Variants in HAVCR2 observed in about 807,000 individuals in gnomAD.
The protein encoded by HAVCR2 is hepatitis A virus cellular receptor 2.
A neutral mutation model predicts 24.7 loss-of-function variants in HAVCR2; 13 were observed. That is an observed-to-expected ratio of 0.53 (90% CI 0.34 to 0.84). The LOEUF (loss-of-function observed/expected upper bound fraction) is 0.84, where lower values mean the gene tolerates loss of function less well. Ranked by LOEUF, HAVCR2 falls within the 40% of genes least tolerant of loss-of-function variation. The probability of loss-of-function intolerance (pLI) is 0.01; values close to 1 mark genes in which losing one functional copy is unlikely to be tolerated. For synonymous variants in HAVCR2, 154 were observed against 143.4 expected, an observed-to-expected ratio of 1.07 and a Z score of -0.53; for missense variants, 343 against 371.2, an observed-to-expected ratio of 0.92 and a Z score of 0.62.
rs374084597 is a variant in HAVCR2 at position 157,109,011 on chromosome 5, C to T, written c.-28G>A. On this transcript the variant is annotated 5_prime_UTR_variant, in exon 1 of 7. Coordinates refer to ENST00000307851, the MANE Select transcript of HAVCR2 (RefSeq NM_032782.5). Reference sequence around the variant, plus strand: ...AGCTTGCAGAAGAAAAGTCAGAGGACACCTCTGTTAGGCACAGTTTTAACT... The same window carrying T: ...AGCTTGCAGAAGAAAAGTCAGAGGATACCTCTGTTAGGCACAGTTTTAACT... 8 of 1,607,234 alleles carry T rather than the reference C, an allele frequency of 5.0e-6. No homozygotes were observed. In the African/African-American group the frequency reaches 6.7e-5, roughly 13 times the overall value.
chr5:157,096,953 CACACACACACAT>C (rs1404250981), intron 4 of HAVCR2, among the ~76,000 whole-genome samples: 1 of 149,646 alleles, frequency 6.7e-6, no homozygotes, highest in African/African-American at 2.5e-5. Flanking sequence ...CACACACACA[CACACACACACAT>C]ATAATTATAA....
At chr5:157,100,795 T>A (rs28651848) in intron 3 of HAVCR2, among the ~76,000 whole-genome samples, 2 of 151,730 alleles carry the variant, frequency 1.3e-5, no homozygotes, top group South Asian at 2.1e-4. Flanking sequence ...CAGAAAAAAA[T>A]TTAAAATATA....
chr5:157,098,851 T>G lies in HAVCR2; in HGVS notation c.522+7A>C. On this transcript the variant is annotated splice_region_variant and intron_variant, in intron 4 of 6. Transcript: ENST00000307851. ...GTACAACATAGCTCACAAAAAAAGT[T>G]ACTTACTGTTAGATTTATATCAGGG... The G allele has an allele frequency of 6.2e-7, 1 of 1,612,334 alleles. No homozygotes were observed. Among genetic ancestry groups the G allele is most frequent in the Non-Finnish European group, 8.5e-7 (1 of 1,178,814 alleles).
At chr5:157,108,576 A>G (rs1318113829) in intron 1 of HAVCR2, among the ~76,000 whole-genome samples, 1 of 152,202 alleles carries the variant, frequency 6.6e-6, no homozygotes, top group Non-Finnish European at 1.5e-5. Flanking sequence ...ACTCTTTACC[A>G]TTCCCTGGTT....
intron 5 of HAVCR2, among the ~76,000 whole-genome samples, chr5:157,090,122 CTTTTT>C (rs869177923): frequency 0.084 from 5,483 of 65,496 alleles, 111 homozygotes; most frequent in Admixed American, 0.21. Flanking sequence ...CTTTTCTTTT[CTTTTT>C]TTTTTTTTTT....
chr5:157,096,927 AAC>A (rs34799337), intron 4 of HAVCR2, among the ~76,000 whole-genome samples: 61,786 of 142,640 alleles, frequency 0.43, 13,097 homozygotes, highest in East Asian at 0.57. Context: ...ATTTATACAA[AAC>A]ACACACACAC....
rs1276540586 is a variant in HAVCR2, at chr5:157,086,541, A to C, written c.*561T>G. The C allele has an allele frequency of 6.5e-6, 1 of 152,780 alleles. No individual in the cohort carries two copies. Among genetic ancestry groups the C allele is most frequent in the Non-Finnish European group, 1.5e-5 (1 of 68,558 alleles). 9.5% of individuals were successfully genotyped at this position (152,780 alleles called of 1,614,324 possible). ...TGCATGCCTGTAATCCCAGCCACTC[A>C]GGAGGCTGAGGCAGGAGAATCGCTT... is the stretch of plus-strand genomic sequence containing the variant. On this transcript the variant is annotated 3_prime_UTR_variant, in exon 7 of 7. Transcript: ENST00000307851.
At chr5:157,090,678 CA>C (rs1406559118) in intron 5 of HAVCR2, among the ~76,000 whole-genome samples, 7 of 152,076 alleles carry the variant, frequency 4.6e-5, no homozygotes. Context: ...CCATTGTGCT[CA>C]GACATTGATT....
chr5:157,094,626 A>AC (rs1430275094), intron 5 of HAVCR2, among the ~76,000 whole-genome samples: 1 of 131,198 alleles, frequency 7.6e-6, no homozygotes, highest in Non-Finnish European at 1.6e-5. Context: ...CAAATGATCC[A>AC]CCCCCCTCAG....
At chr5:157,103,983 G>A (rs770499631) in intron 3 of HAVCR2, among the ~76,000 whole-genome samples, 5 of 152,108 alleles carry the variant, frequency 3.3e-5, no homozygotes, top group Non-Finnish European at 7.3e-5. Context: ...CCCATAAGGT[G>A]TGATTTATGA....
chr5:157,098,829 C>A (rs769100513), intron 4 of HAVCR2, 29 bp downstream of exon 4: 1 of 1,603,304 alleles, frequency 6.2e-7, no homozygotes, highest in Non-Finnish European at 8.5e-7. Context: ...AAGTTGAGTA[C>A]AACATAGCTC....
Position 157,092,878 on chromosome 5 carries a change from CAAAAAAAAAAAAAAAAAAAAAA to C in HAVCR2, c.676+2406_676+2427del, listed in dbSNP as rs556443053. Among the ~76,000 whole-genome samples, 60 of 44,040 alleles carry C rather than the reference CAAAAAAAAAAAAAAAAAAAAAA, an allele frequency of 1.4e-3. 1 individual carries two copies. Among genetic ancestry groups the C allele is most frequent in the Admixed American group, 5.3e-3 (23 of 4,370 alleles). 28.9% of individuals were successfully genotyped at this position (44,040 alleles called of 152,430 possible). ...CAACATGGCAAAACCCTGTCTCTACCAAAAAAAAAAAAAAAAAAAAAAAAAAAAAAAAAAAAAAAACTAGCCA... is the reference window on the plus strand; with the variant it reads ...CAACATGGCAAAACCCTGTCTCTACCAAAAAAAAAAAAAAAAAACTAGCCA... On this transcript the variant is annotated intron_variant, in intron 5 of 6. Coordinates refer to ENST00000307851, the MANE Select transcript of HAVCR2 (RefSeq NM_032782.5).
chr5:157,089,092 G>C (rs1278765997), intron 5 of HAVCR2, 115 bp from the exon 6 acceptor site: 1 of 837,488 alleles, frequency 1.2e-6, no homozygotes, highest in Non-Finnish European at 1.9e-6. Context: ...TCTCATCTCA[G>C]ATTGAGTTAA....
At chr5:157,096,927 AACACACACACACAC>A (rs34799337) in intron 4 of HAVCR2, among the ~76,000 whole-genome samples, 17 of 142,956 alleles carry the variant, frequency 1.2e-4, no homozygotes, top group East Asian at 2.1e-4. Flanking sequence ...ATTTATACAA[AACACACACACACAC>A]ACACACACAC....
intron 5 of HAVCR2, 34 bp downstream of exon 5, chr5:157,095,272 G>C: frequency 6.2e-7 from 1 of 1,606,606 alleles, no homozygotes; most frequent in Non-Finnish European, 8.5e-7. Flanking sequence ...TGAAGAATTT[G>C]TTATCAGAGG....
chr5:157,105,895 A>G (rs898078697), intron 2 of HAVCR2, among the ~76,000 whole-genome samples: 2 of 151,832 alleles, frequency 1.3e-5, no homozygotes, highest in African/African-American at 4.9e-5. Flanking sequence ...TTTTTAAGAG[A>G]TAGGGGTAGC....
At position 157,097,122 on chromosome 5, in the gene HAVCR2, G is replaced by C. The variant is rs559172035; in HGVS notation, c.523-1663C>G. ...CATTAAGCATTGTGGGCACATACAG[G>C]TCCTTAAAAAGCACTGTTTGATTGC... On this transcript the variant is annotated intron_variant, in intron 4 of 6. Coordinates refer to ENST00000307851, the MANE Select transcript of HAVCR2 (RefSeq NM_032782.5). Among the ~76,000 whole-genome samples the C allele has an allele frequency of 1.2e-4, 18 of 152,110 alleles. No homozygotes were observed. The South Asian group carries it at 3.1e-3, about 26-fold the overall frequency.
In HAVCR2 at chr5:157,087,068, C is replaced by CCAAGCTCATAGTTTCTGA; in HGVS notation, c.*33_*34insTCAGAAACTATGAGCTTG. 1 of 1,602,368 alleles carries CCAAGCTCATAGTTTCTGA rather than the reference C, an allele frequency of 6.2e-7. No homozygotes were observed. The highest frequency in any genetic ancestry group is 8.5e-7 in the Non-Finnish European group (1 of 1,173,640). On this transcript the variant is annotated 3_prime_UTR_variant, in exon 7 of 7. Transcript: ENST00000307851. ...CACAGCTCATAGTTTCTGAAAAAGA[C>CCAAGCTCATAGTTTCTGA]AAAACACCAAGCTCAAAAATAAGGT...
chr5:157,092,138 TTA>T (rs56964780), intron 5 of HAVCR2, among the ~76,000 whole-genome samples: 16,793 of 146,106 alleles, frequency 0.11, 996 homozygotes, highest in Middle Eastern at 0.17. Context: ...TATGGTCATA[TTA>T]TATATATATA....
Sources: gnomAD v4.1 joint callset for allele counts (sites outside exome capture counted in the v4.1 genomes callset) on GRCh38, gnomAD v4.1.1 for gene constraint, MANE v1.5 for transcripts, NCBI Gene and HGNC (gene_info 2026-07-23, HGNC 2026-07-21) for gene names.